The following PARD3B variants were observed in gnomAD, a reference collection of about 807,000 sequenced individuals.
PARD3B encodes the protein partitioning defective 3 homolog B.
PARD3B carries 103 observed loss-of-function variants against 130.2 expected under a neutral mutation model. The observed-to-expected ratio is 0.79, with a 90% CI of 0.67 to 0.93. The LOEUF (loss-of-function observed/expected upper bound fraction) is 0.93, where lower values mean the gene tolerates loss of function less well. PARD3B is among the 40% of genes least tolerant of loss of function. The pLI is 0.00. For missense variants in PARD3B, 1,609 were observed against 1,499.2 expected, an observed-to-expected ratio of 1.07 and a Z score of -1.21; for synonymous variants, 583 against 553.2, an observed-to-expected ratio of 1.05 and a Z score of -0.76.
rs536698902 is a variant in PARD3B, at chr2:205,474,236, G to A, written c.3045-25660G>A. Among the ~76,000 whole-genome samples, 93 of 151,768 alleles carry A rather than the reference G, an allele frequency of 6.1e-4. 1 individual carries two copies. In the South Asian group the frequency reaches 0.019, roughly 31 times the overall value. On this transcript the variant is annotated intron_variant, in intron 20 of 22. Coordinates refer to ENST00000406610, the MANE Select transcript of PARD3B (RefSeq NM_001302769.2). Reference sequence around the variant, plus strand: ...TGAGTATTCTATATTAAATTTAATAGCAAAAAGCTAAGGAAGAAAAAAATA... The same window carrying A: ...TGAGTATTCTATATTAAATTTAATAACAAAAAGCTAAGGAAGAAAAAAATA...
intron 3 of PARD3B, among the ~76,000 whole-genome samples, chr2:204,987,967 A>G (rs1017047663): frequency 3.3e-5 from 5 of 152,130 alleles, no homozygotes; most frequent in African/African-American, 1.2e-4. Context: ...TGGAAATGAA[A>G]AATAGACTTC....
At chr2:205,489,237 A>G (rs2049571093) in intron 20 of PARD3B, among the ~76,000 whole-genome samples, 1 of 152,102 alleles carries the variant, frequency 6.6e-6, no homozygotes, top group South Asian at 2.1e-4. Context: ...GCCTTGAGAC[A>G]ATATGTATCA....
At chr2:204,982,804 A>G (rs1692788302) in intron 3 of PARD3B, among the ~76,000 whole-genome samples, 1 of 152,226 alleles carries the variant, frequency 6.6e-6, no homozygotes, top group Non-Finnish European at 1.5e-5. Context: ...ATAGATGTAA[A>G]AAAGAATTAG....
At chr2:204,941,697 T>C (rs1247422816) in intron 2 of PARD3B, among the ~76,000 whole-genome samples, 1 of 152,168 alleles carries the variant, frequency 6.6e-6, no homozygotes, top group Non-Finnish European at 1.5e-5. Flanking sequence ...ACAGATATAT[T>C]CTTACTTCAA....
At chr2:205,348,126 A>C (rs2043861689) in intron 18 of PARD3B, 1 of 152,236 alleles carries the variant, frequency 6.6e-6, no homozygotes, top group South Asian at 2.1e-4. Flanking sequence ...GCCTCAGAAG[A>C]GTGTGGACTC....
In PARD3B at chr2:205,276,855, A is replaced by G. The variant is rs555681447; in HGVS notation, c.2186-23675A>G. Among the ~76,000 whole-genome samples the G allele has an allele frequency of 1.4e-3, 210 of 152,292 alleles. 2 individuals are homozygous for G. Among genetic ancestry groups the G allele is most frequent in the African/African-American group, 4.7e-3 (196 of 41,554 alleles). ...ATAGCTGGCTCTCTGTGTGACCCTT[A>G]GTCATGCTGAGCCTCAGCTTATTTA... On this transcript the variant is annotated intron_variant, in intron 16 of 22. Transcript: ENST00000406610. The surrounding 1 kb of genome is among the most constrained non-coding windows in gnomAD (Gnocchi z 5.0).
intron 4 of PARD3B, among the ~76,000 whole-genome samples, chr2:205,054,833 G>A (rs758371134): frequency 6.6e-6 from 1 of 152,056 alleles, no homozygotes; most frequent in African/African-American, 2.4e-5. Context: ...AACAGCCCTA[G>A]CAGTCTGCAA....
At chr2:204,894,376 A>G (rs887959827) in intron 2 of PARD3B, among the ~76,000 whole-genome samples, 8 of 152,116 alleles carry the variant, frequency 5.3e-5, no homozygotes, top group Non-Finnish European at 1.2e-4. Context: ...GGGCTGGAAT[A>G]TGTTAAATCT....
At chr2:205,552,365 A>G (rs2052685506) in intron 21 of PARD3B, among the ~76,000 whole-genome samples, 2 of 152,158 alleles carry the variant, frequency 1.3e-5, no homozygotes, top group Admixed American at 1.3e-4. Flanking sequence ...AACCCTTGTT[A>G]GTAAAGAAAG....
At chr2:205,411,856 G>A (rs1358256378) in intron 19 of PARD3B, among the ~76,000 whole-genome samples, 2 of 152,132 alleles carry the variant, frequency 1.3e-5, no homozygotes, top group Non-Finnish European at 2.9e-5. Context: ...GCTGGCTGCA[G>A]CCAGTTCTTG....
chr2:205,615,698 G>A lies in PARD3B; in HGVS notation c.3503G>A (p.Arg1168Lys). Residue 1168 changes from arginine (R) to lysine (K), a missense_variant, in exon 23 of 23, where the codon AGA becomes AAA. Arg to Lys is a conservative substitution (Grantham distance 26). Coordinates refer to ENST00000406610, the MANE Select transcript of PARD3B (RefSeq NM_001302769.2). ...CCGCCTTCCCCTCCCCAGCACCAAAGAATGCCAGCCTATCAGGAAACAGGC... is the reference window on the plus strand; with the variant it reads ...CCGCCTTCCCCTCCCCAGCACCAAAAAATGCCAGCCTATCAGGAAACAGGC... ...DVPPSPPQHQ[R>K]MPAYQETGRP... 6.2e-7 allele frequency: 1 copy of A among 1,613,908 alleles called. No homozygotes were observed. The highest frequency in any genetic ancestry group is 8.5e-7 in the Non-Finnish European group (1 of 1,179,996).
intron 19 of PARD3B, among the ~76,000 whole-genome samples, chr2:205,403,485 A>C (rs760891994): frequency 6.6e-6 from 1 of 152,094 alleles, no homozygotes; most frequent in Non-Finnish European, 1.5e-5. Context: ...TCTTTAGTGC[A>C]TATCCAGGAG....
At position 205,183,738 on chromosome 2, in the gene PARD3B, G is replaced by A. The variant is rs1021394360; in HGVS notation, c.1925-2026G>A. On this transcript the variant is annotated intron_variant, in intron 13 of 22. Transcript: ENST00000406610. This position sits in a 1 kb window ranked among gnomAD's most constrained non-coding sequence, Gnocchi z 5.2. ...AGAGAAACAGAACCAAGTTGTGTGT[G>A]TGTGTGTGTGTGTGTGTGTGTGTGT... Among the ~76,000 whole-genome samples the A allele has an allele frequency of 7.0e-5, 10 of 143,678 alleles. No homozygotes were observed. The highest frequency in any genetic ancestry group is 1.2e-4 in the Non-Finnish European group (8 of 66,620). The allele number at this position is 143,678 out of a possible 152,430, so 94.3% of individuals were successfully genotyped here.
chr2:205,586,757 T>G (rs1372009074), intron 22 of PARD3B, among the ~76,000 whole-genome samples: 1 of 152,188 alleles, frequency 6.6e-6, no homozygotes, highest in Non-Finnish European at 1.5e-5. Flanking sequence ...GATGCCCTGT[T>G]ATTGGAGACA....
At chr2:205,504,717 G>C (rs935741688) in intron 21 of PARD3B, among the ~76,000 whole-genome samples, 19 of 152,244 alleles carry the variant, frequency 1.2e-4, no homozygotes, top group African/African-American at 4.6e-4. Context: ...TTAGAATGGC[G>C]ATCATTAAAA....
At chr2:205,271,746 A>G (rs1275949874) in intron 16 of PARD3B, among the ~76,000 whole-genome samples, 3 of 152,214 alleles carry the variant, frequency 2.0e-5, no homozygotes, top group Non-Finnish European at 2.9e-5. Context: ...ACTATCCTCA[A>G]CTTTCCACTG....
intron 14 of PARD3B, 136 bp from the exon 15 acceptor site, chr2:205,193,069 T>C: frequency 3.3e-6 from 2 of 607,640 alleles, no homozygotes; most frequent in Non-Finnish European, 5.9e-6. Flanking sequence ...AACCTGAGAT[T>C]TAAGAATTAG....
At chr2:204,971,711 CA>C in intron 3 of PARD3B, among the ~76,000 whole-genome samples, 1 of 151,920 alleles carries the variant, frequency 6.6e-6, no homozygotes, top group South Asian at 2.1e-4. Flanking sequence ...CAGTCATAGC[CA>C]TATAGTCAAC....
chr2:205,368,593 C>CT (rs1435982791), intron 18 of PARD3B, among the ~76,000 whole-genome samples: 3 of 152,140 alleles, frequency 2.0e-5, no homozygotes, highest in Admixed American at 6.5e-5. Flanking sequence ...GATCGGGCCA[C>CT]TGCACTCCAG....
Sources: allele counts gnomAD v4.1 joint callset (sites outside exome capture counted in the v4.1 genomes callset), GRCh38; gene constraint gnomAD v4.1.1; non-coding constraint Gnocchi (gnomAD v3.1); transcripts MANE v1.5; gene names NCBI Gene and HGNC (gene_info 2026-07-23, HGNC 2026-07-21).